MYCL: variants seen among roughly 807,000 people sequenced by gnomAD.
MYCL encodes MYCL proto-oncogene, bHLH transcription factor.
In MYCL, 11 loss-of-function variants were observed where a neutral mutation model predicts 31.0. The observed-to-expected ratio is 0.35, with a 90% CI of 0.22 to 0.59. The LOEUF is 0.59. MYCL is among the 20% of genes least tolerant of loss of function. MYCL has a pLI of 0.79. For synonymous variants in MYCL, 208 were observed against 202.4 expected, an observed-to-expected ratio of 1.03 and a Z score of -0.23; for missense variants, 427 against 486.1, an observed-to-expected ratio of 0.88 and a Z score of 1.14.
At position 39,901,617 on chromosome 1, in the gene MYCL, G is replaced by C; in HGVS notation, c.-183C>G. The C allele has an allele frequency of 7.1e-7, 1 of 1,400,400 alleles. No homozygotes were observed. Among genetic ancestry groups the C allele is most frequent in the Non-Finnish European group, 9.2e-7 (1 of 1,085,720 alleles). The allele number at this position is 1,400,400 out of a possible 1,614,324, so 86.7% of individuals were successfully genotyped here. On this transcript the variant is annotated 5_prime_UTR_variant, in exon 1 of 2. Transcript: ENST00000372816. The surrounding 1 kb of genome is among the most constrained non-coding windows in gnomAD (Gnocchi z 6.9). ...AGCCGGGCCCCGGGTCAGAGTGGTA[G>C]GGGAAGCCAATCGCAGCGCGCGGAC... is the stretch of plus-strand genomic sequence containing the variant.
At position 39,901,528 on chromosome 1, in the gene MYCL, C is replaced by A. The variant is rs566290745; in HGVS notation, c.-94G>T. The stretch of plus-strand genomic sequence containing the variant: ...CGGGTCCCTCGGCACAGTCGGCTGC[C>A]GGGCTCTCGTTCCTCCCCAACCCCA... On this transcript the variant is annotated 5_prime_UTR_variant, in exon 1 of 2. Transcript: ENST00000372816. The surrounding 1 kb of genome is among the most constrained non-coding windows in gnomAD (Gnocchi z 6.9). 7.2e-5 allele frequency: 109 copies of A among 1,512,246 alleles called. No homozygotes were observed. In the South Asian group the frequency reaches 1.4e-3, roughly 19 times the overall value. 93.7% of individuals were successfully genotyped at this position (1,512,246 alleles called of 1,614,324 possible). A position where few individuals can be genotyped will look rare whatever the true frequency, so the allele number is the denominator to read the frequency against.
chr1:39,901,801 G>T lies in MYCL; in HGVS notation c.-367C>A. 7.8e-7 allele frequency: 1 copy of T among 1,278,406 alleles called. No individual in the cohort carries two copies. Among genetic ancestry groups the T allele is most frequent in the Non-Finnish European group, 1.0e-6 (1 of 1,001,696 alleles). 79.2% of individuals were successfully genotyped at this position (1,278,406 alleles called of 1,614,324 possible). A position where few individuals can be genotyped will look rare whatever the true frequency, so the allele number is the denominator to read the frequency against. On this transcript the variant is annotated 5_prime_UTR_variant, in exon 1 of 2. In the 5' UTR this introduces an upstream ATG that the reference lacks. Coordinates refer to ENST00000372816, the MANE Select transcript of MYCL (RefSeq NM_001033081.3). The surrounding 1 kb of genome is among the most constrained non-coding windows in gnomAD (Gnocchi z 6.9). The stretch of plus-strand genomic sequence containing the variant: ...CGCGCCCGTGCCCTGGCCACCCGCA[G>T]CCTCACCTCGCTCCAGCCGCCCGCC...
At position 39,897,237 on chromosome 1, in the gene MYCL, G is replaced by C; in HGVS notation, c.*135C>G. The C allele has an allele frequency of 1.3e-6, 1 of 772,876 alleles. No individual in the cohort carries two copies. Among genetic ancestry groups the C allele is most frequent in the Non-Finnish European group, 2.1e-6 (1 of 470,568 alleles). 47.9% of individuals were successfully genotyped at this position (772,876 alleles called of 1,614,324 possible). ...GCAAGCCTTTATTGTGTGTGCACCG[G>C]CTGCAATGCATTCTGGGATCTACTG... On this transcript the variant is annotated 3_prime_UTR_variant, in exon 2 of 2. Transcript: ENST00000372816. This position sits in a 1 kb window ranked among gnomAD's most constrained non-coding sequence, Gnocchi z 4.3.
chr1:39,897,908 C>T lies in MYCL; in HGVS notation c.559G>A (p.Val187Ile), dbSNP rs778410335. ...KRQSLGIRKPVTITVRADPLD... is the reference protein window; with the variant it reads ...KRQSLGIRKPITITVRADPLD... The stretch of plus-strand genomic sequence containing the variant: ...GGGTCTGCTCGCACCGTGATGGTGA[C>T]CGGCTTCCGAATACCCAGAGACTGC... The change falls in exon 2 of 2, where the codon GTC (valine) becomes ATC (isoleucine). Residue 187 changes from valine to isoleucine, a missense_variant. Coordinates refer to ENST00000372816, the MANE Select transcript of MYCL (RefSeq NM_001033081.3). This position sits in a 1 kb window ranked among gnomAD's most constrained non-coding sequence, Gnocchi z 4.3. The T allele has an allele frequency of 2.9e-5, 46 of 1,614,014 alleles. No homozygotes were observed. The highest frequency in any genetic ancestry group is 3.9e-5 in the Non-Finnish European group (46 of 1,180,058).
At chr1:39,898,725 C>T (rs1644506811) in intron 1 of MYCL, 2 of 985,338 alleles carry the variant, frequency 2.0e-6, no homozygotes, top group Non-Finnish European at 2.4e-6. Flanking sequence ...AAGGTACAAG[C>T]GACCATTTCC....
chr1:39,900,630 T>C (rs960156772), intron 1 of MYCL: 96 of 1,280,788 alleles, frequency 7.5e-5, no homozygotes, highest in Non-Finnish European at 9.2e-5. Context: ...AGGTACCCCC[T>C]TCAATCCCTT....
chr1:39,898,983 A>C (rs1644508945), intron 1 of MYCL: 3 of 985,468 alleles, frequency 3.0e-6, no homozygotes, highest in Non-Finnish European at 3.6e-6. Context: ...CTCCGTTCTC[A>C]GCTTCTTTGC....
At chr1:39,900,238 G>C in intron 1 of MYCL, 1 of 985,572 alleles carries the variant, frequency 1.0e-6, no homozygotes, top group Non-Finnish European at 1.2e-6. Context: ...CTACCACAAA[G>C]ACCCCAAACA....
rs1027204932 is a variant in MYCL, at chr1:39,900,858, C to CAAT, written c.496+78_496+80dup. On this transcript the variant is annotated intron_variant, in intron 1 of 1. Transcript: ENST00000372816. ...GATGGCCCAAGAGCTTGAGAAGAGC[C>CAAT]AATGCCTGACCTCAGGCAGGGGCAG... is the stretch of plus-strand genomic sequence containing the variant. The CAAT allele has an allele frequency of 3.3e-6, 5 of 1,512,298 alleles. No individual in the cohort carries two copies. The African/African-American group carries it at 7.2e-5, about 22-fold the overall frequency. 93.7% of individuals were successfully genotyped at this position (1,512,298 alleles called of 1,614,324 possible).
In MYCL at chr1:39,901,280, C is replaced by T; in HGVS notation, c.155G>A (p.Gly52Glu). 1 of 1,600,654 alleles carries T rather than the reference C, an allele frequency of 6.2e-7. No individual in the cohort carries two copies. Among genetic ancestry groups the T allele is most frequent in the Non-Finnish European group, 8.5e-7 (1 of 1,174,224 alleles). The change falls in exon 1 of 2, where the codon GGG becomes GAG. Residue 52 changes from glycine to glutamate, a missense_variant. Transcript: ENST00000372816. This position sits in a 1 kb window ranked among gnomAD's most constrained non-coding sequence, Gnocchi z 6.9. ...GGGACCAATCCCGGGGGCCGGGTCCCCTGCGCCGGGACCCAAGCCCCAGGG... is the reference window on the plus strand; with the variant it reads ...GGGACCAATCCCGGGGGCCGGGTCCTCTGCGCCGGGACCCAAGCCCCAGGG... ...SPPWGLGPGAGDPAPGIGPPE... is the reference protein window; with the variant it reads ...SPPWGLGPGAEDPAPGIGPPE...
At chr1:39,899,960 A>G (rs1644518920) in intron 1 of MYCL, 1 of 985,464 alleles carries the variant, frequency 1.0e-6, no homozygotes, top group Non-Finnish European at 1.2e-6. Flanking sequence ...AGATGCCAGA[A>G]TAAGAACAAT....
Position 39,901,892 on chromosome 1 carries a change from C to A in MYCL, c.-458G>T. 2 of 1,156,810 alleles carry A rather than the reference C, an allele frequency of 1.7e-6. No individual in the cohort carries two copies. Among genetic ancestry groups the A allele is most frequent in the African/African-American group, 3.3e-5 (2 of 61,350 alleles). 71.7% of individuals were successfully genotyped at this position (1,156,810 alleles called of 1,614,324 possible). On this transcript the variant is annotated 5_prime_UTR_variant, in exon 1 of 2. Coordinates refer to ENST00000372816, the MANE Select transcript of MYCL (RefSeq NM_001033081.3). The surrounding 1 kb of genome is among the most constrained non-coding windows in gnomAD (Gnocchi z 6.9). Reference sequence around the variant, plus strand: ...GGCAGCCAGCACACACGCACATGCGCGCCGCCGAGAGCGCGGCCCGCACTC... The same window carrying A: ...GGCAGCCAGCACACACGCACATGCGAGCCGCCGAGAGCGCGGCCCGCACTC...
At chr1:39,898,918 T>G in intron 1 of MYCL, 1 of 985,474 alleles carries the variant, frequency 1.0e-6, no homozygotes, top group Non-Finnish European at 1.2e-6. Flanking sequence ...CCACACATTT[T>G]GCAGCCTCCA....
At chr1:39,899,897 C>A in intron 1 of MYCL, 1 of 985,460 alleles carries the variant, frequency 1.0e-6, no homozygotes, top group Non-Finnish European at 1.2e-6. Flanking sequence ...TAGCCACAGT[C>A]TACACTCTAC....
At chr1:39,899,615 T>C (rs1407410844) in intron 1 of MYCL, 4 of 985,136 alleles carry the variant, frequency 4.1e-6, no homozygotes, top group Admixed American at 6.1e-5. Context: ...CCAGCCGTTG[T>C]AGAGATACAT....
intron 1 of MYCL, chr1:39,898,525 G>A: frequency 6.0e-6 from 2 of 335,960 alleles, no homozygotes; most frequent in Non-Finnish European, 8.5e-6. Context: ...TTCAGAGAAG[G>A]GAGGGCTACA....
chr1:39,900,968 C>A lies in MYCL; in HGVS notation c.467G>T (p.Cys156Phe), dbSNP rs960135101. The change falls in exon 1 of 2, where the codon TGC becomes TTC. Residue 156 changes from cysteine (C) to phenylalanine (F), a missense_variant. Transcript: ENST00000372816. ...CPLGEPKTQA[C>F]SGSESPSDSE... ...GTCGCTTGGGCTCTCGGACCCGGAG[C>A]AGGCCTGGGTCTTGGGTTCGCCCAG... The A allele has an allele frequency of 6.7e-7, 1 of 1,495,572 alleles. No homozygotes were observed. Among genetic ancestry groups the A allele is most frequent in the Non-Finnish European group, 8.9e-7 (1 of 1,123,322 alleles). The allele number at this position is 1,495,572 out of a possible 1,614,324, so 92.6% of individuals were successfully genotyped here.
chr1:39,901,714 G>T lies in MYCL; in HGVS notation c.-280C>A. 1 of 1,218,380 alleles carries T rather than the reference G, an allele frequency of 8.2e-7. No homozygotes were observed. Among genetic ancestry groups the T allele is most frequent in the Non-Finnish European group, 1.0e-6 (1 of 982,532 alleles). The allele number at this position is 1,218,380 out of a possible 1,614,324, so 75.5% of individuals were successfully genotyped here. On this transcript the variant is annotated 5_prime_UTR_variant, in exon 1 of 2. Transcript: ENST00000372816. This position sits in a 1 kb window ranked among gnomAD's most constrained non-coding sequence, Gnocchi z 6.9. ...GGAGCGCAGCTCCCAGGGCCCGGCG[G>T]GGCCGGGCGGGGGCGCGCCGTGCCC...
rs1249337763 is a variant in MYCL at position 39,901,868 on chromosome 1, G to A, written c.-434C>T. 1 of 1,223,708 alleles carries A rather than the reference G, an allele frequency of 8.2e-7. No individual in the cohort carries two copies. Among genetic ancestry groups the A allele is most frequent in the Non-Finnish European group, 1.0e-6 (1 of 975,844 alleles). The allele number at this position is 1,223,708 out of a possible 1,614,324, so 75.8% of individuals were successfully genotyped here. Reference sequence around the variant, plus strand: ...CTCCCCGCCGGCTCGGGGCAGCCCGGCAGCCAGCACACACGCACATGCGCG... The same window carrying A: ...CTCCCCGCCGGCTCGGGGCAGCCCGACAGCCAGCACACACGCACATGCGCG... On this transcript the variant is annotated 5_prime_UTR_variant, in exon 1 of 2. Transcript: ENST00000372816. This position sits in a 1 kb window ranked among gnomAD's most constrained non-coding sequence, Gnocchi z 6.9.
Sources: gnomAD v4.1 joint callset for allele counts on GRCh38, gnomAD v4.1.1 for gene constraint, Gnocchi (gnomAD v3.1) non-coding constraint, MANE v1.5 for transcripts, NCBI Gene and HGNC (gene_info 2026-07-23, HGNC 2026-07-21) for gene names.